JAKMIP2: variants seen among roughly 807,000 people sequenced by gnomAD.
JAKMIP2 encodes the protein janus kinase and microtubule-interacting protein 2.
JAKMIP2 carries 25 observed loss-of-function variants against 115.0 expected under a neutral mutation model. That is an observed-to-expected ratio of 0.22 (90% CI 0.16 to 0.30). JAKMIP2 has a LOEUF of 0.30. JAKMIP2 is among the 10% of genes least tolerant of loss of function. JAKMIP2 has a pLI of 1.00. For synonymous variants in JAKMIP2, 334 were observed against 343.6 expected, an observed-to-expected ratio of 0.97 and a Z score of 0.31; for missense variants, 642 against 957.6, an observed-to-expected ratio of 0.67 and a Z score of 4.35.
chr5:147,676,279 T>C (rs1759957669), intron 1 of JAKMIP2, among the ~76,000 whole-genome samples: 1 of 152,134 alleles, frequency 6.6e-6, no homozygotes, highest in Non-Finnish European at 1.5e-5. Flanking sequence ...GAGCTTGCAG[T>C]GAGCCAAGAT....
chr5:147,672,710 C>T (rs550780937), intron 1 of JAKMIP2, among the ~76,000 whole-genome samples: 21 of 152,060 alleles, frequency 1.4e-4, no homozygotes, highest in Non-Finnish European at 2.8e-4. Context: ...AAGAAAGGCT[C>T]GCTGAAGAAG....
intron 1 of JAKMIP2, among the ~76,000 whole-genome samples, chr5:147,727,975 GA>G (rs1402661911): frequency 1.3e-5 from 2 of 152,060 alleles, no homozygotes; most frequent in East Asian, 3.9e-4. Flanking sequence ...TGCGTTTTGG[GA>G]AAAACGTCTA....
At chr5:147,726,426 A>G (rs6859881) in intron 1 of JAKMIP2, among the ~76,000 whole-genome samples, 3,695 of 152,284 alleles carry the variant, frequency 0.024, 163 homozygotes, top group African/African-American at 0.083. Context: ...GTGCTGGCAA[A>G]AGGGTGGGAA....
chr5:147,643,874 T>TAGTTAAC (rs1757994454), intron 7 of JAKMIP2, among the ~76,000 whole-genome samples, 184 bp downstream of exon 7: 1 of 152,200 alleles, frequency 6.6e-6, no homozygotes, highest in Non-Finnish European at 1.5e-5. Flanking sequence ...GGTTATAATT[T>TAGTTAAC]AAAAGGTGTA....
chr5:147,591,446 T>G lies in JAKMIP2; in HGVS notation c.*261A>C, dbSNP rs767697001. 6.5e-4 allele frequency: 344 copies of G among 532,686 alleles called. 4 individuals carry two copies. The highest frequency in any genetic ancestry group is 9.1e-4 in the Non-Finnish European group (271 of 298,666). The allele number at this position is 532,686 out of a possible 1,614,324, so 33.0% of individuals were successfully genotyped here. On this transcript the variant is annotated 3_prime_UTR_variant, in exon 22 of 22. Coordinates refer to ENST00000616793, the MANE Select transcript of JAKMIP2 (RefSeq NM_001270941.2). ...CAATATATGTTTATAGTTCTTCTCT[T>G]CTGATTTGACATATACATGTTTCAT...
At chr5:147,686,175 G>A (rs776519735) in intron 1 of JAKMIP2, among the ~76,000 whole-genome samples, 3 of 152,144 alleles carry the variant, frequency 2.0e-5, no homozygotes, top group Non-Finnish European at 4.4e-5. Flanking sequence ...TAGTCACAGC[G>A]AGTCACAGCA....
intron 1 of JAKMIP2, among the ~76,000 whole-genome samples, chr5:147,747,959 C>T (rs1295252331): frequency 6.6e-6 from 1 of 152,174 alleles, no homozygotes; most frequent in East Asian, 1.9e-4. Flanking sequence ...TGCATCTCAT[C>T]TGCTGCCTGT....
chr5:147,611,323 T>G (rs71583959), intron 20 of JAKMIP2, among the ~76,000 whole-genome samples: 1 of 152,162 alleles, frequency 6.6e-6, no homozygotes, highest in Non-Finnish European at 1.5e-5. Flanking sequence ...TGTAGGCACC[T>G]GAGGGAATCT....
intron 1 of JAKMIP2, among the ~76,000 whole-genome samples, chr5:147,672,394 CT>C (rs1161276138): frequency 6.6e-6 from 1 of 152,194 alleles, no homozygotes; most frequent in African/African-American, 2.4e-5. Flanking sequence ...AATAGCTAAA[CT>C]GTGAGAAGTG....
chr5:147,624,919 A>G (rs1757025095), intron 16 of JAKMIP2, among the ~76,000 whole-genome samples: 1 of 152,190 alleles, frequency 6.6e-6, no homozygotes, highest in Admixed American at 6.5e-5. Context: ...ATGAGGCAGT[A>G]TCCATTGTGT....
intron 1 of JAKMIP2, among the ~76,000 whole-genome samples, chr5:147,694,935 T>TG (rs1423099941): frequency 6.6e-6 from 1 of 152,192 alleles, no homozygotes; most frequent in African/African-American, 2.4e-5. Context: ...TTGTGTTTGT[T>TG]TAAGGTTCCA....
At chr5:147,716,565 C>A (rs75959479) in intron 1 of JAKMIP2, among the ~76,000 whole-genome samples, 2 of 152,024 alleles carry the variant, frequency 1.3e-5, no homozygotes, top group Non-Finnish European at 1.5e-5. Context: ...TATCTCATTG[C>A]GGTTTTGATT....
At chr5:147,776,420 A>C (rs1004800699) in intron 1 of JAKMIP2, among the ~76,000 whole-genome samples, 1 of 152,258 alleles carries the variant, frequency 6.6e-6, no homozygotes, top group South Asian at 2.1e-4. Flanking sequence ...GAAGAAGGAC[A>C]TGCTTGCTTT....
At position 147,757,859 on chromosome 5, in the gene JAKMIP2, A is replaced by C. The variant is rs370178542; in HGVS notation, c.-149+24597T>G. ...AATATTTGATAGAAATATGATGAAA[A>C]ATTTGACATATATGGAATCAACTTC... is the stretch of plus-strand genomic sequence containing the variant. On this transcript the variant is annotated intron_variant, in intron 1 of 21. Transcript: ENST00000616793. Among the ~76,000 whole-genome samples, 19 of 152,254 alleles carry C rather than the reference A, an allele frequency of 1.2e-4. 1 individual carries two copies. The highest frequency in any genetic ancestry group is 4.6e-4 in the African/African-American group (19 of 41,542).
intron 1 of JAKMIP2, among the ~76,000 whole-genome samples, chr5:147,781,830 T>A (rs1336545981): frequency 6.6e-6 from 1 of 152,184 alleles, no homozygotes. Flanking sequence ...AAATGCAATA[T>A]AAATGCTAAG....
chr5:147,706,906 T>G (rs1044327742), intron 1 of JAKMIP2, among the ~76,000 whole-genome samples: 20 of 152,180 alleles, frequency 1.3e-4, no homozygotes, highest in African/African-American at 4.8e-4. Flanking sequence ...TCAGGGAAGC[T>G]TAATGATTTG....
chr5:147,673,145 C>T (rs192929142), intron 1 of JAKMIP2, among the ~76,000 whole-genome samples: 75 of 152,088 alleles, frequency 4.9e-4, no homozygotes, highest in African/African-American at 1.7e-3. Context: ...AAAGCCTAAT[C>T]AGAATTGTGG....
At chr5:147,704,690 C>T (rs540425700) in intron 1 of JAKMIP2, among the ~76,000 whole-genome samples, 1 of 152,260 alleles carries the variant, frequency 6.6e-6, no homozygotes, top group African/African-American at 2.4e-5. Flanking sequence ...TTGCCCCAGT[C>T]ATTACTCAAA....
chr5:147,624,581 C>T (rs537607986), intron 16 of JAKMIP2, among the ~76,000 whole-genome samples: 6 of 152,166 alleles, frequency 3.9e-5, no homozygotes, highest in African/African-American at 1.4e-4. Flanking sequence ...CTTATCTTTC[C>T]CAGTACTCAG....
Sources: gnomAD v4.1 joint callset for allele counts (sites outside exome capture counted in the v4.1 genomes callset) on GRCh38, gnomAD v4.1.1 for gene constraint, MANE v1.5 for transcripts, NCBI Gene and HGNC (gene_info 2026-07-23, HGNC 2026-07-21) for gene names.